The following USP12 variants were observed in gnomAD, a reference collection of about 807,000 sequenced individuals.
USP12 encodes the protein ubiquitin carboxyl-terminal hydrolase 12.
Under a neutral mutation model 45.5 loss-of-function variants are expected in USP12, and 19 were observed. That is an observed-to-expected ratio of 0.42 (90% confidence interval 0.29 to 0.61). The LOEUF is 0.61. Ranked by LOEUF, USP12 falls within the 20% of genes least tolerant of loss-of-function variation. The probability of loss-of-function intolerance (pLI) is 0.22; values close to 1 mark genes in which losing one functional copy is unlikely to be tolerated. For synonymous variants in USP12, 149 were observed against 148.8 expected (o/e 1.00, Z -0.01); for missense variants, 242 against 447.7 (o/e 0.54, Z 4.15).
Position 27,143,040 on chromosome 13 carries a change from C to G in USP12, c.49-26444G>C, listed in dbSNP as rs935303544. 4.7e-4 allele frequency among the ~76,000 whole-genome samples: 71 copies of G among 151,252 alleles called. 1 individual carries two copies. The highest frequency in any genetic ancestry group is 5.9e-5 in the Non-Finnish European group (4 of 67,894). On this transcript the variant is annotated intron_variant, in intron 1 of 8. Transcript: ENST00000282344. ...CTGGGGAGGCGGAGGTTGCAGTGAG[C>G]CAAGATCACGCCACTGCACTCTAGC...
intron 1 of USP12, among the ~76,000 whole-genome samples, chr13:27,160,412 T>TA (rs1434146982): frequency 6.7e-6 from 1 of 149,732 alleles, no homozygotes; most frequent in Non-Finnish European, 1.5e-5. Flanking sequence ...GTGGAGGAGA[T>TA]ATAAGCCTCC....
intron 1 of USP12, among the ~76,000 whole-genome samples, chr13:27,133,626 CAAAA>C (rs11365356): frequency 7.7e-5 from 8 of 103,380 alleles, no homozygotes; most frequent in Admixed American, 9.8e-5. Context: ...GACTCTGTCT[CAAAA>C]AAAAAAAAAA....
In USP12 at chr13:27,071,404, G is replaced by C. The variant is rs189360582; in HGVS notation, c.933-255C>G. On this transcript the variant is annotated intron_variant, in intron 7 of 8. Transcript: ENST00000282344. The stretch of plus-strand genomic sequence containing the variant: ...TCTTTTCACATACAGCTATATTACT[G>C]AAATTTTTTACTGTCTTTGTAATAA... Among the ~76,000 whole-genome samples, 53 of 152,116 alleles carry C rather than the reference G, an allele frequency of 3.5e-4. 1 individual carries two copies. The East Asian group carries it at 0.01, about 29-fold the overall frequency.
At chr13:27,107,696 A>G (rs1875209348) in intron 2 of USP12, among the ~76,000 whole-genome samples, 1 of 152,254 alleles carries the variant, frequency 6.6e-6, no homozygotes, top group Non-Finnish European at 1.5e-5. Context: ...CCTTGAAGAT[A>G]TGGCTGATAC....
At chr13:27,071,798 T>C (rs1223611964) in intron 7 of USP12, among the ~76,000 whole-genome samples, 1 of 152,140 alleles carries the variant, frequency 6.6e-6, no homozygotes, top group African/African-American at 2.4e-5. Flanking sequence ...TAGATATACA[T>C]AAAAATAAAA....
intron 1 of USP12, among the ~76,000 whole-genome samples, chr13:27,164,575 A>G (rs1301353328): frequency 6.6e-6 from 1 of 151,204 alleles, no homozygotes; most frequent in East Asian, 1.9e-4. Context: ...GTGAGAAAGC[A>G]AAGACTTACT....
intron 2 of USP12, among the ~76,000 whole-genome samples, chr13:27,108,829 G>A (rs1318951809): frequency 2.0e-5 from 3 of 152,070 alleles, no homozygotes; most frequent in South Asian, 2.1e-4. Flanking sequence ...GTGGTGGCAC[G>A]CACCTATAAT....
intron 7 of USP12, among the ~76,000 whole-genome samples, chr13:27,073,680 A>C (rs1307199117): frequency 6.6e-6 from 1 of 152,244 alleles, no homozygotes; most frequent in Non-Finnish European, 1.5e-5. Flanking sequence ...TAAATATTAT[A>C]AAGCTAAGAT....
intron 1 of USP12, 134 bp downstream of exon 1, chr13:27,171,458 C>A: frequency 6.6e-6 from 1 of 150,658 alleles, no homozygotes; most frequent in South Asian, 1.8e-4. Context: ...CCGCCCGGGC[C>A]GCCCGGGCCG....
intron 1 of USP12, among the ~76,000 whole-genome samples, chr13:27,123,186 C>G (rs1235849698): frequency 6.6e-6 from 1 of 152,058 alleles, no homozygotes; most frequent in Non-Finnish European, 1.5e-5. Flanking sequence ...CTACAAGTAT[C>G]ATTGAACTAG....
At chr13:27,116,264 A>G (rs1401461617) in intron 2 of USP12, among the ~76,000 whole-genome samples, 1 of 147,918 alleles carries the variant, frequency 6.8e-6, no homozygotes, top group African/African-American at 2.5e-5. Flanking sequence ...GTGAGCCGAG[A>G]TCGCGCCACT....
intron 1 of USP12, among the ~76,000 whole-genome samples, chr13:27,125,107 A>G (rs1236215122): frequency 6.6e-6 from 1 of 152,220 alleles, no homozygotes; most frequent in Non-Finnish European, 1.5e-5. Flanking sequence ...TCAGTAAAAC[A>G]GATCAGACAC....
At position 27,171,656 on chromosome 13, in the gene USP12, TC is replaced by T; in HGVS notation, c.-18del. ...GATTTCCATCCGGCCAGCGCCATCT[TC>T]CACCCAATCACAGCGGCGGCGGCGG... On this transcript the variant is annotated 5_prime_UTR_variant, in exon 1 of 9. Coordinates refer to ENST00000282344, the MANE Select transcript of USP12 (RefSeq NM_182488.4). 7.9e-7 allele frequency: 1 copy of T among 1,262,408 alleles called. No homozygotes were observed. Among genetic ancestry groups the T allele is most frequent in the South Asian group, 1.4e-5 (1 of 72,314 alleles). 78.2% of individuals were successfully genotyped at this position (1,262,408 alleles called of 1,614,324 possible).
intron 7 of USP12, among the ~76,000 whole-genome samples, chr13:27,074,126 C>T (rs1466347437): frequency 6.6e-6 from 1 of 152,176 alleles, no homozygotes; most frequent in Non-Finnish European, 1.5e-5. Flanking sequence ...AGAGGCCGGG[C>T]GCGGTGGCTC....
At chr13:27,131,447 A>G (rs1024094946) in intron 1 of USP12, among the ~76,000 whole-genome samples, 5 of 152,242 alleles carry the variant, frequency 3.3e-5, no homozygotes. Context: ...CATTATGTAA[A>G]GGTATGACTA....
In USP12 at chr13:27,068,531, TA is replaced by T; in HGVS notation, c.*751del. The T allele has an allele frequency of 6.6e-6, 1 of 152,376 alleles. No homozygotes were observed. The highest frequency in any genetic ancestry group is 1.9e-4 in the East Asian group (1 of 5,186). 9.4% of individuals were successfully genotyped at this position (152,376 alleles called of 1,614,324 possible). A position where few individuals can be genotyped will look rare whatever the true frequency, so the allele number is the denominator to read the frequency against. Reference sequence around the variant, plus strand: ...GACAACTTAAACTGACATTAACTAATAAAAATATGTTCAAATTTACTGACAG... The same window carrying T: ...GACAACTTAAACTGACATTAACTAATAAAATATGTTCAAATTTACTGACAG... On this transcript the variant is annotated 3_prime_UTR_variant, in exon 9 of 9. Transcript: ENST00000282344.
chr13:27,116,781 C>T (rs1029415460), intron 1 of USP12, among the ~76,000 whole-genome samples, 185 bp from the exon 2 acceptor site: 3 of 151,400 alleles, frequency 2.0e-5, no homozygotes, highest in African/African-American at 7.3e-5. Flanking sequence ...TAGATATGTT[C>T]AGATGCACAC....
intron 1 of USP12, among the ~76,000 whole-genome samples, chr13:27,166,131 A>G (rs2137849208): frequency 6.6e-6 from 1 of 152,272 alleles, no homozygotes; most frequent in Non-Finnish European, 1.5e-5. Context: ...TCCCATATAT[A>G]CACATCTAAA....
chr13:27,105,999 A>G, intron 2 of USP12, 55 bp from the exon 3 acceptor site: 1 of 1,466,330 alleles, frequency 6.8e-7, no homozygotes, highest in Non-Finnish European at 9.2e-7. Context: ...TTTTCAAGAG[A>G]GAAATTCCCG....
Sources: gnomAD v4.1 joint callset for allele counts (sites outside exome capture counted in the v4.1 genomes callset) on GRCh38, gnomAD v4.1.1 for gene constraint, MANE v1.5 for transcripts, NCBI Gene and HGNC (gene_info 2026-07-23, HGNC 2026-07-21) for gene names.